The following MRPL3 variants were observed in gnomAD, a reference collection of about 807,000 sequenced individuals.
The protein encoded by MRPL3 is large ribosomal subunit protein uL3m.
In MRPL3, 43 loss-of-function variants were observed where a neutral mutation model predicts 44.3. The observed-to-expected ratio is 0.97, with a 90% CI of 0.76 to 1.25. MRPL3 has a LOEUF of 1.25. MRPL3 is among the 50% of genes most tolerant of loss of function. The pLI is 0.00. For synonymous variants in MRPL3, 171 were observed against 152.3 expected (o/e 1.12, Z -0.91); for missense variants, 406 against 427.6 (o/e 0.95, Z 0.45).
intron 4 of MRPL3, 88 bp downstream of exon 4, chr3:131,498,091 G>A (rs1363099584): frequency 4.7e-5 from 45 of 950,802 alleles, no homozygotes; most frequent in Non-Finnish European, 6.8e-5. Flanking sequence ...GCAAGTTTGT[G>A]GCTGTGGAAC....
chr3:131,466,597 C>T (rs1318798935), intron 9 of MRPL3, among the ~76,000 whole-genome samples: 2 of 149,522 alleles, frequency 1.3e-5, no homozygotes, highest in South Asian at 2.1e-4. Context: ...CCTCAAATGT[C>T]TACCTTTAAC....
At chr3:131,501,488 CAGTAATT>C in intron 2 of MRPL3, 36 bp downstream of exon 2, 1 of 1,471,120 alleles carries the variant, frequency 6.8e-7, no homozygotes, top group South Asian at 1.2e-5. Context: ...TCCAGCCACA[CAGTAATT>C]AGGAAATGAG....
At chr3:131,486,163 C>T (rs1430234022) in intron 6 of MRPL3, among the ~76,000 whole-genome samples, 1 of 151,712 alleles carries the variant, frequency 6.6e-6, no homozygotes, top group South Asian at 2.1e-4. Flanking sequence ...TTTCTTACAC[C>T]TTATACAAAA....
chr3:131,487,738 T>G lies in MRPL3; in HGVS notation c.571A>C (p.Thr191Pro), dbSNP rs1064793180. The G allele has an allele frequency of 2.5e-6, 4 of 1,607,132 alleles. No homozygotes were observed. In the Admixed American group the frequency reaches 5.2e-5, roughly 21 times the overall value. ...CGAAAGTGAGCAGCATAAAGAGGAG[T>G]GCCTTTATGAAAAGAAAATGAAAAA... ...ITDNAAIKPG[T>P]PLYAAHFRPG... Residue 191 changes from threonine (T) to proline (P), a missense_variant and splice_region_variant, in exon 6 of 10, where the codon ACT (threonine) becomes CCT (proline). Thr to Pro is a conservative substitution (Grantham distance 38). Transcript: ENST00000264995.
At chr3:131,502,487 T>C (rs936745366) in intron 1 of MRPL3, among the ~76,000 whole-genome samples, 2 of 152,190 alleles carry the variant, frequency 1.3e-5, no homozygotes, top group African/African-American at 4.8e-5. Context: ...CGCTCACTAA[T>C]TGTAAGATAT....
intron 3 of MRPL3, among the ~76,000 whole-genome samples, chr3:131,498,635 G>T (rs747316074): frequency 6.8e-6 from 1 of 146,904 alleles, no homozygotes; most frequent in Non-Finnish European, 1.5e-5. Context: ...CCGGGAGGCG[G>T]AGCTTGCAGT....
At chr3:131,471,424 TA>T in intron 6 of MRPL3, 145 bp from the exon 7 acceptor site, 3 of 612,720 alleles carry the variant, frequency 4.9e-6, no homozygotes, top group Non-Finnish European at 8.7e-6. Context: ...GCTATACAAC[TA>T]AAACTGCAAA....
intron 5 of MRPL3, among the ~76,000 whole-genome samples, chr3:131,489,749 C>G (rs72997229): frequency 6.6e-6 from 1 of 151,160 alleles, no homozygotes; most frequent in Non-Finnish European, 1.5e-5. Context: ...AAATATTAAA[C>G]TCTCTCTACA....
Position 131,490,087 on chromosome 3 carries a change from G to C in MRPL3, c.469-7C>G. 6.3e-7 allele frequency: 1 copy of C among 1,576,316 alleles called. No homozygotes were observed. The highest frequency in any genetic ancestry group is 8.7e-7 in the Non-Finnish European group (1 of 1,146,244). On this transcript the variant is annotated splice_region_variant and splice_polypyrimidine_tract_variant and intron_variant, in intron 4 of 9. Transcript: ENST00000264995. Reference sequence around the variant, plus strand: ...CCAATATGGATGTAGCTTTCTAGAGGAAAAGCAGCACATATAAGTAATACA... The same window carrying C: ...CCAATATGGATGTAGCTTTCTAGAGCAAAAGCAGCACATATAAGTAATACA...
chr3:131,500,911 T>C (rs1393082150), intron 2 of MRPL3, among the ~76,000 whole-genome samples: 2 of 152,236 alleles, frequency 1.3e-5, no homozygotes, highest in Non-Finnish European at 2.9e-5. Context: ...GCTGAGGCTA[T>C]AGAGATGCCA....
In MRPL3 at chr3:131,465,206, A is replaced by T. The variant is rs117315058; in HGVS notation, c.895-2331T>A. ...CATTGTTCTGATGCCAGTTTCTCAA[A>T]ATGTATTTAGACTCCCGTTTCAGAA... is the stretch of plus-strand genomic sequence containing the variant. On this transcript the variant is annotated intron_variant, in intron 9 of 9. Transcript: ENST00000264995. Among the ~76,000 whole-genome samples, 3 of 152,294 alleles carry T rather than the reference A, an allele frequency of 2.0e-5. No individual in the cohort carries two copies. The East Asian group carries it at 5.8e-4, about 29-fold the overall frequency.
At chr3:131,490,848 G>C (rs1240711077) in intron 4 of MRPL3, among the ~76,000 whole-genome samples, 6 of 152,294 alleles carry the variant, frequency 3.9e-5, no homozygotes, top group Admixed American at 1.3e-4. Flanking sequence ...TCTAGGCATT[G>C]CTAATTTTCA....
chr3:131,473,951 T>C (rs1933796852), intron 6 of MRPL3, among the ~76,000 whole-genome samples: 1 of 152,190 alleles, frequency 6.6e-6, no homozygotes, highest in Admixed American at 6.5e-5. Flanking sequence ...CATACACTGT[T>C]AGTGGGGATA....
rs1334464044 is a variant in MRPL3 at position 131,498,264 on chromosome 3, T to C, written c.383A>G (p.His128Arg). 2 of 1,604,634 alleles carry C rather than the reference T, an allele frequency of 1.2e-6. No homozygotes were observed. The highest frequency in any genetic ancestry group is 1.7e-6 in the Non-Finnish European group (2 of 1,171,836). The change falls in exon 4 of 10, where the codon CAT becomes CGT. Residue 128 changes from histidine to arginine, a missense_variant. Physicochemically the swap from His to Arg is conservative, Grantham distance 29. Transcript: ENST00000264995. The stretch of plus-strand genomic sequence containing the variant: ...TTCCTTTGACGTATATTTTAAGACA[T>C]GACAGTCTTGTACCTAAAAAAACAA... ...VVTLLQVQDC[H>R]VLKYTSKENC...
chr3:131,500,995 T>C (rs1484645079), intron 2 of MRPL3, among the ~76,000 whole-genome samples: 3 of 152,240 alleles, frequency 2.0e-5, no homozygotes, highest in African/African-American at 7.2e-5. Context: ...ACTGGTAAAG[T>C]TGCCTCACTA....
chr3:131,487,424 T>G (rs989722581), intron 6 of MRPL3: 3 of 343,780 alleles, frequency 8.7e-6, no homozygotes, highest in Admixed American at 4.9e-5. Context: ...GTTGTGCACA[T>G]GTACCCTAGA....
At chr3:131,495,541 A>C (rs774708087) in intron 4 of MRPL3, among the ~76,000 whole-genome samples, 1 of 152,186 alleles carries the variant, frequency 6.6e-6, no homozygotes, top group Non-Finnish European at 1.5e-5. Flanking sequence ...AATCCACCAC[A>C]ACATTAGAAC....
At chr3:131,492,455 ACTGTTCCAC>A (rs1934279392) in intron 4 of MRPL3, among the ~76,000 whole-genome samples, 1 of 152,102 alleles carries the variant, frequency 6.6e-6, no homozygotes, top group African/African-American at 2.4e-5. Flanking sequence ...TCAGAATGAA[ACTGTTCCAC>A]CTCAGATTAT....
intron 6 of MRPL3, among the ~76,000 whole-genome samples, chr3:131,477,672 C>G (rs997305530): frequency 1.3e-5 from 2 of 152,112 alleles, no homozygotes; most frequent in African/African-American, 4.8e-5. Context: ...GAGGCAAACT[C>G]CAGATACCCT....
Sources: gnomAD v4.1 joint callset for allele counts (sites outside exome capture counted in the v4.1 genomes callset) on GRCh38, gnomAD v4.1.1 for gene constraint, MANE v1.5 for transcripts, NCBI Gene and HGNC (gene_info 2026-07-23, HGNC 2026-07-21) for gene names.